Variants in NELFB observed in about 807,000 individuals in gnomAD.
The protein encoded by NELFB is negative elongation factor complex member B.
Under a neutral mutation model 60.2 loss-of-function variants are expected in NELFB, and 34 were observed. The observed-to-expected ratio is 0.56, with a 90% CI of 0.43 to 0.75. The LOEUF is 0.75. NELFB is among the 30% of genes least tolerant of loss of function. The pLI is 0.00. For missense variants in NELFB, 770 were observed against 831.6 expected (o/e 0.93, Z 0.91); for synonymous variants, 459 against 382.1 (o/e 1.20, Z -2.35).
chr9:137,260,401 T>TTTAA (rs78913931), intron 4 of NELFB, among the ~76,000 whole-genome samples: 399 of 78,876 alleles, frequency 5.1e-3, no homozygotes, highest in African/African-American at 0.013. Flanking sequence ...TTAAAATTTT[T>TTTAA]TTTATTTATT....
At chr9:137,260,799 G>A (rs1030020497) in intron 4 of NELFB, among the ~76,000 whole-genome samples, 3 of 152,000 alleles carry the variant, frequency 2.0e-5, no homozygotes, top group Non-Finnish European at 4.4e-5. Flanking sequence ...GGTGGCTCAC[G>A]CCTGTAATCC....
chr9:137,265,053 T>C (rs1047016931), intron 6 of NELFB, among the ~76,000 whole-genome samples: 8 of 146,722 alleles, frequency 5.5e-5, no homozygotes, highest in South Asian at 2.2e-4. Flanking sequence ...TTTTTTTTTT[T>C]TCTGAGACAG....
chr9:137,264,990 C>A (rs915072088), intron 6 of NELFB, among the ~76,000 whole-genome samples: 2 of 151,520 alleles, frequency 1.3e-5, no homozygotes, highest in African/African-American at 4.9e-5. Context: ...GGTGTATAGA[C>A]ACAGTGCTGC....
chr9:137,271,958 A>G, intron 10 of NELFB, 123 bp from the exon 11 acceptor site: 2 of 1,295,536 alleles, frequency 1.5e-6, no homozygotes, highest in Admixed American at 2.0e-5. Flanking sequence ...TTCTCATCTC[A>G]GAACAACTGA....
intron 10 of NELFB, among the ~76,000 whole-genome samples, chr9:137,268,559 C>G (rs1163284222): frequency 6.6e-6 from 1 of 152,100 alleles, no homozygotes; most frequent in East Asian, 1.9e-4. Context: ...GCACTCCAGC[C>G]CAGGCGACAG....
rs1837545690 is a variant in NELFB at position 137,256,042 on chromosome 9, A to G, written c.382A>G (p.Ile128Val). 5 of 1,613,604 alleles carry G rather than the reference A, an allele frequency of 3.1e-6. No homozygotes were observed. Among genetic ancestry groups the G allele is most frequent in the African/African-American group, 1.3e-5 (1 of 74,920 alleles). ...CAAGCTGCTGGAGCGAGTGTCAGCC[A>G]TCGCTTCGGAGGGGAAGGCTGAGGA... is the stretch of plus-strand genomic sequence containing the variant. Residue 128 changes from isoleucine to valine, a missense_variant, in exon 2 of 13, where the codon ATC becomes GTC. By Grantham distance (29) the Ile-to-Val change is conservative. Transcript: ENST00000343053.
At chr9:137,259,066 C>G (rs1830382885) in intron 4 of NELFB, among the ~76,000 whole-genome samples, 1 of 152,146 alleles carries the variant, frequency 6.6e-6, no homozygotes, top group South Asian at 2.1e-4. Context: ...TGGTGCGTAC[C>G]TGTTGTCTCA....
chr9:137,272,387 G>A, intron 11 of NELFB, 120 bp from the exon 12 acceptor site: 1 of 1,450,668 alleles, frequency 6.9e-7, no homozygotes, highest in East Asian at 2.4e-5. Context: ...GCACAGCTGG[G>A]GAGGGTCCCA....
In NELFB at chr9:137,269,040, T is replaced by A. The variant is rs1319947209; in HGVS notation, c.1489+1694T>A. ...GGAGCCCTCACGACCTCAGCAGTGT[T>A]GCGTTGGGGATCAGGTTTCCGATGG... On this transcript the variant is annotated intron_variant, in intron 10 of 12. Transcript: ENST00000343053. This position sits in a 1 kb window ranked among gnomAD's most constrained non-coding sequence, Gnocchi z 5.3. Among the ~76,000 whole-genome samples the A allele has an allele frequency of 6.6e-6, 1 of 151,784 alleles. No individual in the cohort carries two copies. The highest frequency in any genetic ancestry group is 1.5e-5 in the Non-Finnish European group (1 of 68,004).
At chr9:137,257,418 G>T (rs1192921348) in intron 4 of NELFB, among the ~76,000 whole-genome samples, 1 of 149,746 alleles carries the variant, frequency 6.7e-6, no homozygotes, top group Non-Finnish European at 1.5e-5. Flanking sequence ...AAGCTCCCGG[G>T]TTCACTCCAT....
At chr9:137,267,115 G>GTGGCCGTGGCGCAGGGA in intron 9 of NELFB, 29 bp downstream of exon 9, 1 of 1,613,604 alleles carries the variant, frequency 6.2e-7, no homozygotes. Context: ...TGGTGCAGGG[G>GTGGCCGTGGCGCAGGGA]TGGCCGTGGC....
chr9:137,263,429 C>T, intron 5 of NELFB, among the ~76,000 whole-genome samples: 1 of 118,784 alleles, frequency 8.4e-6, no homozygotes, highest in East Asian at 2.8e-4. Context: ...GTAGCGCTGC[C>T]CTCCCTCCCT....
intron 2 of NELFB, 36 bp downstream of exon 2, chr9:137,256,106 C>T: frequency 6.3e-7 from 1 of 1,592,808 alleles, no homozygotes; most frequent in Non-Finnish European, 8.6e-7. Flanking sequence ...GTGAGATGTG[C>T]AGCCGGCCTC....
intron 11 of NELFB, 31 bp downstream of exon 11, chr9:137,272,253 C>T: frequency 1.2e-6 from 2 of 1,611,380 alleles, no homozygotes; most frequent in Non-Finnish European, 1.7e-6. Context: ...CCGGCCCGCT[C>T]TGTCCTCTCA....
chr9:137,271,663 G>A (rs946672542), intron 10 of NELFB, among the ~76,000 whole-genome samples: 2 of 152,316 alleles, frequency 1.3e-5, no homozygotes, highest in African/African-American at 2.4e-5. Context: ...TGCAGCTGGC[G>A]CCGGCCCTGT....
intron 4 of NELFB, 93 bp from the exon 5 acceptor site, chr9:137,262,944 C>CAG: frequency 7.2e-7 from 1 of 1,394,048 alleles, no homozygotes; most frequent in Non-Finnish European, 9.9e-7. Context: ...GACAGATGTC[C>CAG]AGAGAGAGGG....
chr9:137,266,225 T>A, intron 7 of NELFB, 106 bp from the exon 8 acceptor site: 1 of 1,009,160 alleles, frequency 9.9e-7, no homozygotes. Context: ...CGTGTGGTCC[T>A]GGCCATGGGC....
At chr9:137,256,791 T>C in intron 3 of NELFB, 33 bp from the exon 4 acceptor site, 2 of 1,597,918 alleles carry the variant, frequency 1.3e-6, no homozygotes, top group Non-Finnish European at 1.7e-6. Flanking sequence ...GGGACACAGG[T>C]GCCACTCACA....
At chr9:137,265,305 C>A (rs752187162) in intron 6 of NELFB, among the ~76,000 whole-genome samples, 22 of 151,104 alleles carry the variant, frequency 1.5e-4, no homozygotes, top group Non-Finnish European at 2.5e-4. Flanking sequence ...GCCACCACAC[C>A]CAGCCTTTTT....
Sources: allele counts gnomAD v4.1 joint callset (sites outside exome capture counted in the v4.1 genomes callset), GRCh38; gene constraint gnomAD v4.1.1; non-coding constraint Gnocchi (gnomAD v3.1); transcripts MANE v1.5; gene names NCBI Gene and HGNC (gene_info 2026-07-23, HGNC 2026-07-21).